Variants in PACS2 observed in about 807,000 individuals in gnomAD.
PACS2 encodes the protein phosphofurin acidic cluster sorting protein 2.
In PACS2, 36 loss-of-function variants were observed where a neutral mutation model predicts 113.0. The ratio of observed to expected loss-of-function variants is 0.32; its 90% CI spans 0.24 to 0.42. The LOEUF (loss-of-function observed/expected upper bound fraction) is 0.42. Ranked by LOEUF, PACS2 falls within the 10% of genes least tolerant of loss-of-function variation. The probability of loss-of-function intolerance (pLI) is 1.00; values close to 1 mark genes in which losing one functional copy is unlikely to be tolerated. For synonymous variants in PACS2, 589 were observed against 536.1 expected (o/e 1.10, Z -1.36); for missense variants, 1,015 against 1,239.5 (o/e 0.82, Z 2.72).
chr14:105,307,424 A>G (rs2140663816), intron 1 of PACS2, among the ~76,000 whole-genome samples: 1 of 152,284 alleles, frequency 6.6e-6, no homozygotes. Context: ...AAATGGCAAT[A>G]AAGGCTCTTG....
At chr14:105,371,042 A>G (rs1282480402) in intron 8 of PACS2, 1 of 152,306 alleles carries the variant, frequency 6.6e-6, no homozygotes, top group Non-Finnish European at 1.5e-5. Flanking sequence ...CCCCTGGGGC[A>G]CACACTCAGC....
At chr14:105,369,172 A>AG (rs1223605911) in intron 7 of PACS2, among the ~76,000 whole-genome samples, 3 of 152,218 alleles carry the variant, frequency 2.0e-5, no homozygotes, top group Non-Finnish European at 4.4e-5. Context: ...GCAGCATTCA[A>AG]GGGGGCGCTG....
chr14:105,341,221 CT>C, intron 1 of PACS2, among the ~76,000 whole-genome samples: 1 of 152,340 alleles, frequency 6.6e-6, no homozygotes, highest in South Asian at 2.1e-4. Context: ...TCACTCTGAA[CT>C]TTTCCTGTAT....
chr14:105,368,122 C>T lies in PACS2; in HGVS notation c.635C>T (p.Ala212Val). 6.2e-7 allele frequency: 1 copy of T among 1,610,128 alleles called. No individual in the cohort carries two copies. Among genetic ancestry groups the T allele is most frequent in the Non-Finnish European group, 8.5e-7 (1 of 1,177,982 alleles). ...EYESFSSEQEASDDAVQGQDL... is the reference protein window; with the variant it reads ...EYESFSSEQEVSDDAVQGQDL... ...GAGAGCTTCTCCTCCGAGCAGGAGG[C>T]CAGTGACGACGCCGTGCAGGGGCAG... Residue 212 changes from alanine (A) to valine (V), a missense_variant, in exon 6 of 25, where the codon GCC becomes GTC. Transcript: ENST00000447393.
chr14:105,316,076 G>A (rs982082344), intron 1 of PACS2, among the ~76,000 whole-genome samples: 6 of 152,220 alleles, frequency 3.9e-5, no homozygotes, highest in Non-Finnish European at 8.8e-5. Context: ...ATCTCTGAGC[G>A]TGGTGTTGGA....
intron 1 of PACS2, among the ~76,000 whole-genome samples, chr14:105,320,423 G>A (rs1449667924): frequency 6.6e-6 from 1 of 152,108 alleles, no homozygotes; most frequent in Admixed American, 6.6e-5. Context: ...AGGCTGGAGT[G>A]CAGTGGTGTG....
intron 3 of PACS2, among the ~76,000 whole-genome samples, chr14:105,353,884 G>T (rs896923130): frequency 1.3e-5 from 2 of 152,004 alleles, no homozygotes; most frequent in Non-Finnish European, 2.9e-5. Flanking sequence ...GGGACACCAT[G>T]CCCAGCCTAG....
chr14:105,355,102 G>A lies in PACS2; in HGVS notation c.348G>A (p.Gln116=), dbSNP rs142209904. The stretch of plus-strand genomic sequence containing the variant: ...GCAACAAGCTTCAGATCATGCTGCA[G>A]CGCAGAAAGCGCTACAAGAACAGAA... ...REGNKLQIML[Q]RRKRYKNRTI... The change falls in exon 4 of 25, where the codon CAG becomes CAA. Residue 116 remains glutamine, a synonymous_variant. Transcript: ENST00000447393. This position sits in a 1 kb window ranked among gnomAD's most constrained non-coding sequence, Gnocchi z 4.1. 628 of 1,613,660 alleles carry A rather than the reference G, an allele frequency of 3.9e-4. 2 individuals carry two copies. In the African/African-American group the frequency reaches 6.7e-3, roughly 17 times the overall value.
At chr14:105,387,336 G>T (rs1322918346) in intron 19 of PACS2, among the ~76,000 whole-genome samples, 1 of 152,228 alleles carries the variant, frequency 6.6e-6, no homozygotes, top group African/African-American at 2.4e-5. Flanking sequence ...CTCCTCCTAT[G>T]AGGGCAGGCC....
Position 105,348,965 on chromosome 14 carries a change from ACTCTGGGAGGCGAGGGCCTAG to A in PACS2, c.207+387_207+407del, listed in dbSNP as rs1555403270. ...CGTCGGTGGGAGAGGGGAGCAGGGCACTCTGGGAGGCGAGGGCCTAGCCAGAACTCCCAGCCCCTGGTGCCA... is the reference window on the plus strand; with the variant it reads ...CGTCGGTGGGAGAGGGGAGCAGGGCACCAGAACTCCCAGCCCCTGGTGCCA... On this transcript the variant is annotated intron_variant, in intron 2 of 24. Coordinates refer to ENST00000447393, the MANE Select transcript of PACS2 (RefSeq NM_001100913.3). This position sits in a 1 kb window ranked among gnomAD's most constrained non-coding sequence, Gnocchi z 6.4. Among the ~76,000 whole-genome samples the A allele has an allele frequency of 1.3e-5, 2 of 152,142 alleles. No individual in the cohort carries two copies. The highest frequency in any genetic ancestry group is 3.9e-4 in the East Asian group (2 of 5,164).
chr14:105,375,120 C>T (rs2061304146), intron 8 of PACS2: 1 of 152,274 alleles, frequency 6.6e-6, no homozygotes, highest in Admixed American at 6.5e-5. Flanking sequence ...TGCCACTGCG[C>T]TCTACCCTGG....
chr14:105,341,296 A>G (rs1029242930), intron 1 of PACS2, among the ~76,000 whole-genome samples: 5 of 152,246 alleles, frequency 3.3e-5, no homozygotes, highest in Non-Finnish European at 7.3e-5. Context: ...TTCGGATTCA[A>G]GTCGGCTCTT....
Position 105,383,394 on chromosome 14 carries a change from A to G in PACS2, c.1661A>G (p.Lys554Arg), listed in dbSNP as rs781864278. ...AATTCCCAGCCCCCGACCCCCGTGAAGATCGCCGTGGCGGGAGCGCAGCAT... is the reference window on the plus strand; with the variant it reads ...AATTCCCAGCCCCCGACCCCCGTGAGGATCGCCGTGGCGGGAGCGCAGCAT... ...NCNSQPPTPV[K>R]IAVAGAQHYL... The change falls in exon 16 of 25, where the codon AAG becomes AGG. Residue 554 changes from lysine to arginine, a missense_variant. Physicochemically the swap from Lys to Arg is conservative, Grantham distance 26. Coordinates refer to ENST00000447393, the MANE Select transcript of PACS2 (RefSeq NM_001100913.3). The G allele has an allele frequency of 6.2e-7, 1 of 1,609,196 alleles. No homozygotes were observed. The highest frequency in any genetic ancestry group is 8.5e-7 in the Non-Finnish European group (1 of 1,179,946).
chr14:105,381,889 C>G (rs932086951), intron 12 of PACS2, 25 bp from the exon 13 acceptor site: 4 of 1,543,966 alleles, frequency 2.6e-6, no homozygotes, highest in Non-Finnish European at 8.7e-7. Context: ...GCCACAGCCA[C>G]TTAGCCTGTC....
chr14:105,395,078 C>G lies in PACS2; in HGVS notation c.*406C>G, dbSNP rs1374945988. Reference sequence around the variant, plus strand: ...GGCCACAGGCCGAGGGCCATGGGGCCGCTCAGTCCCGTTGGGGTTGTCCTG... The same window carrying G: ...GGCCACAGGCCGAGGGCCATGGGGCGGCTCAGTCCCGTTGGGGTTGTCCTG... On this transcript the variant is annotated 3_prime_UTR_variant, in exon 25 of 25. Transcript: ENST00000447393. 3 of 208,168 alleles carry G rather than the reference C, an allele frequency of 1.4e-5. No homozygotes were observed. Among genetic ancestry groups the G allele is most frequent in the African/African-American group, 6.9e-5 (3 of 43,414 alleles). The allele number at this position is 208,168 out of a possible 1,614,324, so 12.9% of individuals were successfully genotyped here. A position where few individuals can be genotyped will look rare whatever the true frequency, so the allele number is the denominator to read the frequency against.
chr14:105,373,532 C>T (rs2061234942), intron 8 of PACS2, among the ~76,000 whole-genome samples: 1 of 152,216 alleles, frequency 6.6e-6, no homozygotes, highest in Non-Finnish European at 1.5e-5. Context: ...GAATTACAGC[C>T]AGCTGTGGTG....
intron 24 of PACS2, chr14:105,393,570 TTTC>T (rs1457874475): frequency 3.8e-5 from 18 of 467,952 alleles, no homozygotes; most frequent in Non-Finnish European, 6.3e-5. Flanking sequence ...TTGTTTCGTT[TTTC>T]TTGTTTGTTT....
chr14:105,343,324 A>T (rs587652734), intron 1 of PACS2, among the ~76,000 whole-genome samples: 1 of 152,326 alleles, frequency 6.6e-6, no homozygotes, highest in African/African-American at 2.4e-5. Context: ...AGCTGCTGTG[A>T]ATGTGCATTA....
rs1477700790 is a variant in PACS2, at chr14:105,340,330, G to T, written c.120-8163G>T. 1.3e-5 allele frequency among the ~76,000 whole-genome samples: 2 copies of T among 152,184 alleles called. No homozygotes were observed. The highest frequency in any genetic ancestry group is 1.3e-4 in the Admixed American group (2 of 15,278). On this transcript the variant is annotated intron_variant, in intron 1 of 24. Transcript: ENST00000447393. The surrounding 1 kb of genome is among the most constrained non-coding windows in gnomAD (Gnocchi z 4.2). ...ATCACAACACACACAACTCCAAATG[G>T]ATGGATAATCTCATTGTGAAAAAGA... is the stretch of plus-strand genomic sequence containing the variant.
Sources: allele counts gnomAD v4.1 joint callset (sites outside exome capture counted in the v4.1 genomes callset), GRCh38; gene constraint gnomAD v4.1.1; non-coding constraint Gnocchi (gnomAD v3.1); transcripts MANE v1.5; gene names NCBI Gene and HGNC (gene_info 2026-07-23, HGNC 2026-07-21).